The following WDR24 variants were observed in gnomAD, a reference collection of about 807,000 sequenced individuals.
WDR24 encodes the protein WD repeat domain 24, also known as GATOR2 complex protein WDR24.
In WDR24, 32 loss-of-function variants were observed where a neutral mutation model predicts 66.7. The observed-to-expected ratio is 0.48, with a 90% confidence interval of 0.36 to 0.64. WDR24 has a LOEUF of 0.64. WDR24 is among the 30% of genes least tolerant of loss of function. WDR24 has a pLI of 0.00. For synonymous variants in WDR24, 565 were observed against 469.1 expected (o/e 1.20, Z -2.64); for missense variants, 978 against 1,144.1 (o/e 0.85, Z 2.09).
At chr16:686,238 T>C in intron 3 of WDR24, 52 bp from the exon 4 acceptor site, 1 of 1,581,650 alleles carries the variant, frequency 6.3e-7, no homozygotes, top group East Asian at 2.2e-5. Context: ...CAGCACCCCA[T>C]GCAGGTCCCT....
In WDR24 at chr16:689,104, C is replaced by G. The variant is rs780041927; in HGVS notation, c.481+56G>C. On this transcript the variant is annotated intron_variant, in intron 1 of 8. Transcript: ENST00000293883. The stretch of plus-strand genomic sequence containing the variant: ...CGGAGCCCTTTTCCGCCTGCATGGA[C>G]AGGCTGGGCACCGGCAGAGACGCCC... 3.8e-6 allele frequency: 6 copies of G among 1,592,674 alleles called. No individual in the cohort carries two copies. The South Asian group carries it at 6.8e-5, about 18-fold the overall frequency.
In WDR24 at chr16:686,181, C is replaced by T. The variant is rs1418849763; in HGVS notation, c.1338G>A (p.Ala446=). 26 of 1,612,354 alleles carry T rather than the reference C, an allele frequency of 1.6e-5. No individual in the cohort carries two copies. Among genetic ancestry groups the T allele is most frequent in the Admixed American group, 5.0e-5 (3 of 59,964 alleles). ...VARELGRNQV[A]QTWTMLRIIY... ...TGATCCGCAGCATGGTCCACGTTTG[C>T]GCCACCTAGGGGCGGGCACTGGTCA... Residue 446 remains alanine, a synonymous_variant, in exon 4 of 9, where the codon GCG becomes GCA. Coordinates refer to ENST00000293883, the MANE Select transcript of WDR24 (RefSeq NM_032259.4).
rs569466199 is a variant in WDR24, at chr16:689,989, G to A, written c.-349C>T. On this transcript the variant is annotated 5_prime_UTR_variant, in exon 1 of 9. Coordinates refer to ENST00000293883, the MANE Select transcript of WDR24 (RefSeq NM_032259.4). ...CACCTCTCGGTACCCCCATCAGCCAGATCTGGGCAGTCACTAAACGCTCGG... is the reference window on the plus strand; with the variant it reads ...CACCTCTCGGTACCCCCATCAGCCAAATCTGGGCAGTCACTAAACGCTCGG... The A allele has an allele frequency of 1.0e-4, 54 of 534,368 alleles. No individual in the cohort carries two copies. Among genetic ancestry groups the A allele is most frequent in the African/African-American group, 8.3e-4 (44 of 53,008 alleles). The allele number at this position is 534,368 out of a possible 1,614,324, so 33.1% of individuals were successfully genotyped here.
Position 687,543 on chromosome 16 carries a change from CT to C in WDR24, c.659+18del. On this transcript the variant is annotated intron_variant, in intron 2 of 8. Coordinates refer to ENST00000293883, the MANE Select transcript of WDR24 (RefSeq NM_032259.4). ...AGAGCTTACTGTCAACCTACTGCCC[CT>C]GCACCCCCATGCCACACCTGTCCTC... 1 of 1,609,468 alleles carries C rather than the reference CT, an allele frequency of 6.2e-7. No individual in the cohort carries two copies. Among genetic ancestry groups the C allele is most frequent in the Non-Finnish European group, 8.5e-7 (1 of 1,177,908 alleles).
intron 1 of WDR24, chr16:688,173 G>A: frequency 2.3e-6 from 1 of 436,858 alleles, no homozygotes; most frequent in Non-Finnish European, 4.7e-6. Flanking sequence ...GAACTGCCTG[G>A]TCAGCCCCAA....
chr16:686,081 G>T lies in WDR24; in HGVS notation c.1438C>A (p.Pro480Thr). 6.2e-7 allele frequency: 1 copy of T among 1,613,010 alleles called. No individual in the cohort carries two copies. Among genetic ancestry groups the T allele is most frequent in the Non-Finnish European group, 8.5e-7 (1 of 1,179,960 alleles). Residue 480 changes from proline to threonine, a missense_variant, in exon 4 of 9, where the codon CCG (proline) becomes ACG (threonine). By Grantham distance (38) the Pro-to-Thr change is conservative. Coordinates refer to ENST00000293883, the MANE Select transcript of WDR24 (RefSeq NM_032259.4). ...SVGKGGSCGL[P>T]LMNSFNLKDM... ...CCCGGCATCTACCTGTTCATGAGCG[G>T]GAGGCCACAGGAGCCACCCTTGCCC...
In WDR24 at chr16:684,662, C is replaced by T. The variant is rs2039861368; in HGVS notation, c.*72G>A. 2 of 1,480,698 alleles carry T rather than the reference C, an allele frequency of 1.4e-6. No individual in the cohort carries two copies. The highest frequency in any genetic ancestry group is 2.3e-5 in the Admixed American group (1 of 43,502). The allele number at this position is 1,480,698 out of a possible 1,614,324, so 91.7% of individuals were successfully genotyped here. A position where few individuals can be genotyped will look rare whatever the true frequency, so the allele number is the denominator to read the frequency against. The stretch of plus-strand genomic sequence containing the variant: ...TTATTGAGGTCTCAAGTTCCAGCCT[C>T]CGCCCGTCTCGGGCACAAGACCAGG... On this transcript the variant is annotated 3_prime_UTR_variant, in exon 9 of 9. Transcript: ENST00000293883.
rs140437305 is a variant in WDR24, at chr16:687,297, C to T, written c.779G>A (p.Arg260Gln). The change falls in exon 3 of 9, where the codon CGG (arginine) becomes CAG (glutamine). Residue 260 changes from arginine (R) to glutamine (Q), a missense_variant. By Grantham distance (43) the Arg-to-Gln change is conservative. This residue lies in a region of WDR24 where 302 missense variants were observed against 526.6 expected (regional missense o/e 0.57). Coordinates refer to ENST00000293883, the MANE Select transcript of WDR24 (RefSeq NM_032259.4). The part of the protein sequence containing the change: ...TIASVARVKW[R>Q]PECRHHLATC... Reference sequence around the variant, plus strand: ...GGCCAGGTGGTGGCGGCACTCTGGCCGCCACTTCACACGGGCCACCGAGGC... The same window carrying T: ...GGCCAGGTGGTGGCGGCACTCTGGCTGCCACTTCACACGGGCCACCGAGGC... The T allele has an allele frequency of 3.7e-6, 6 of 1,611,176 alleles. No individual in the cohort carries two copies. The highest frequency in any genetic ancestry group is 1.3e-5 in the African/African-American group (1 of 74,908).
Position 684,991 on chromosome 16 carries a change from C to A in WDR24, c.2204+1G>T. ...CCCACCTCCCGACCCCACTGCCCCA[C>A]CTGTCGCAGACCCAGCCCCGGCTGC... On this transcript the variant is annotated splice_donor_variant, in intron 8 of 8. Coordinates refer to ENST00000293883, the MANE Select transcript of WDR24 (RefSeq NM_032259.4). LOFTEE classifies it high-confidence loss of function. The A allele has an allele frequency of 6.5e-7, 1 of 1,544,944 alleles. No homozygotes were observed.
At position 689,694 on chromosome 16, in the gene WDR24, T is replaced by C. The variant is rs1271879014; in HGVS notation, c.-54A>G. 3.8e-6 allele frequency: 6 copies of C among 1,584,664 alleles called. No individual in the cohort carries two copies. Among genetic ancestry groups the C allele is most frequent in the Non-Finnish European group, 5.1e-6 (6 of 1,165,356 alleles). On this transcript the variant is annotated 5_prime_UTR_variant, in exon 1 of 9. Coordinates refer to ENST00000293883, the MANE Select transcript of WDR24 (RefSeq NM_032259.4). Reference sequence around the variant, plus strand: ...AGGAGGTCAGTGAGGTGGGCTGGCCTGGTCAGCCTGGGTGGGTCATCAGTT... The same window carrying C: ...AGGAGGTCAGTGAGGTGGGCTGGCCCGGTCAGCCTGGGTGGGTCATCAGTT...
In WDR24 at chr16:686,127, A is replaced by G. The variant is rs1004591587; in HGVS notation, c.1392T>C (p.Thr464=). Residue 464 remains threonine, a synonymous_variant, in exon 4 of 9, where the codon ACT becomes ACC. Transcript: ENST00000293883. ...IIYCSPGLVP[T]ANLNHSVGKG... ...TGCCCACACTGTGGTTGAGGTTTGC[A>G]GTGGGCACTAGGCCAGGGCTGCAGT... The G allele has an allele frequency of 9.3e-6, 15 of 1,612,992 alleles. No individual in the cohort carries two copies. The highest frequency in any genetic ancestry group is 1.2e-5 in the Non-Finnish European group (14 of 1,179,976).
chr16:685,683 C>T lies in WDR24; in HGVS notation c.1674G>A (p.Ala558=). The change falls in exon 6 of 9, where the codon GCG becomes GCA. Residue 558 remains alanine (A), a synonymous_variant. Transcript: ENST00000293883. Reference sequence around the variant, plus strand: ...CCTGCCCGGACCCCCACTCACGGTGCGCGTGTTCCGGATCCAGCAGGTACA... The same window carrying T: ...CCTGCCCGGACCCCCACTCACGGTGTGCGTGTTCCGGATCCAGCAGGTACA... ...DELYLLDPEH[A]HPEDPECVLP... The T allele has an allele frequency of 6.2e-7, 1 of 1,613,014 alleles. No homozygotes were observed. The highest frequency in any genetic ancestry group is 8.5e-7 in the Non-Finnish European group (1 of 1,180,000).
chr16:690,149 G>A lies in WDR24; in HGVS notation c.-509C>T. 2 of 431,958 alleles carry A rather than the reference G, an allele frequency of 4.6e-6. No individual in the cohort carries two copies. The highest frequency in any genetic ancestry group is 3.3e-5 in the South Asian group (2 of 61,236). 26.8% of individuals were successfully genotyped at this position (431,958 alleles called of 1,614,324 possible). On this transcript the variant is annotated 5_prime_UTR_variant, in exon 1 of 9. Coordinates refer to ENST00000293883, the MANE Select transcript of WDR24 (RefSeq NM_032259.4). ...GAGGGGCCCGGGGACTCAGGCGATA[G>A]ACGCGGGAAGGGCCCAGAGGGACGT...
chr16:687,471 C>G, intron 2 of WDR24, 55 bp from the exon 3 acceptor site: 2 of 1,564,622 alleles, frequency 1.3e-6, no homozygotes, highest in Admixed American at 3.5e-5. Flanking sequence ...AGAGAGGGGA[C>G]CCCCCCGCTC....
In WDR24 at chr16:689,867, G is replaced by C; in HGVS notation, c.-227C>G. The C allele has an allele frequency of 1.3e-6, 1 of 760,910 alleles. No homozygotes were observed. The highest frequency in any genetic ancestry group is 2.3e-6 in the Non-Finnish European group (1 of 440,796). 47.1% of individuals were successfully genotyped at this position (760,910 alleles called of 1,614,324 possible). A position where few individuals can be genotyped will look rare whatever the true frequency, so the allele number is the denominator to read the frequency against. On this transcript the variant is annotated 5_prime_UTR_variant, in exon 1 of 9. Transcript: ENST00000293883. ...GTCTGTCAGTCCAGCCCATCACCCTGGCTGAGCGGTGAGGGGACTTCCTAG... is the reference window on the plus strand; with the variant it reads ...GTCTGTCAGTCCAGCCCATCACCCTCGCTGAGCGGTGAGGGGACTTCCTAG...
chr16:688,968 G>A (rs2039938687), intron 1 of WDR24, 192 bp downstream of exon 1: 1 of 845,756 alleles, frequency 1.2e-6, no homozygotes. Flanking sequence ...CTTCCCACTT[G>A]ACTGCCCTGG....
chr16:687,548 C>T lies in WDR24; in HGVS notation c.659+14G>A. Reference sequence around the variant, plus strand: ...TTACTGTCAACCTACTGCCCCTGCACCCCCATGCCACACCTGTCCTCGGGG... The same window carrying T: ...TTACTGTCAACCTACTGCCCCTGCATCCCCATGCCACACCTGTCCTCGGGG... On this transcript the variant is annotated intron_variant, in intron 2 of 8. Transcript: ENST00000293883. 2 of 1,610,176 alleles carry T rather than the reference C, an allele frequency of 1.2e-6. No individual in the cohort carries two copies. Among genetic ancestry groups the T allele is most frequent in the South Asian group, 2.2e-5 (2 of 90,998 alleles).
rs745373219 is a variant in WDR24, at chr16:686,924, G to A, written c.1152C>T (p.Asp384=). ...RHPIFFKRKL[D]PAEPFAGLAS... ...CGAGGCCTGCGAAGGGCTCGGCAGG[G>A]TCCAGCTTGCGCTTAAAGAAGATGG... Residue 384 remains aspartate, a synonymous_variant, in exon 3 of 9, where the codon GAC becomes GAT. Coordinates refer to ENST00000293883, the MANE Select transcript of WDR24 (RefSeq NM_032259.4). The A allele has an allele frequency of 2.5e-6, 4 of 1,605,738 alleles. No individual in the cohort carries two copies. The highest frequency in any genetic ancestry group is 2.7e-5 in the African/African-American group (2 of 74,890).
In WDR24 at chr16:685,088, C is replaced by A; in HGVS notation, c.2108G>T (p.Arg703Leu). 2 of 1,556,242 alleles carry A rather than the reference C, an allele frequency of 1.3e-6. No homozygotes were observed. Among genetic ancestry groups the A allele is most frequent in the Non-Finnish European group, 8.7e-7 (1 of 1,150,902 alleles). ...GGCCTGGTTGAGGCAGCTGACGGCG[C>A]GGCTGGTGCTCAGCTTGACCACCTC... ...SNEVVKLSTS[R>L]AVSCLNQAST... Residue 703 changes from arginine to leucine, a missense_variant, in exon 8 of 9, where the codon CGC becomes CTC. Arg to Leu is a moderately radical substitution (Grantham distance 102). Transcript: ENST00000293883.
Sources: allele counts gnomAD v4.1 joint callset, GRCh38; gene constraint gnomAD v4.1.1; regional missense constraint gnomAD v4.1.1; transcripts MANE v1.5; gene names NCBI Gene and HGNC (gene_info 2026-07-23, HGNC 2026-07-21).